The following BAZ2B variants were observed in gnomAD, a reference collection of about 807,000 sequenced individuals.
The protein encoded by BAZ2B is bromodomain adjacent to zinc finger domain 2B.
BAZ2B carries 91 observed loss-of-function variants against 246.0 expected under a neutral mutation model. The observed-to-expected ratio is 0.37, with a 90% CI of 0.31 to 0.44. The LOEUF is 0.44. Ranked by LOEUF, BAZ2B falls within the 20% of genes least tolerant of loss-of-function variation. The probability of loss-of-function intolerance (pLI) is 1.00; values close to 1 mark genes in which losing one functional copy is unlikely to be tolerated. For synonymous variants in BAZ2B, 855 were observed against 860.0 expected (o/e 0.99, Z 0.10); for missense variants, 2,332 against 2,533.7 (o/e 0.92, Z 1.71).
intron 1 of BAZ2B, among the ~76,000 whole-genome samples, chr2:159,612,793 C>G (rs1694977304): frequency 6.6e-6 from 1 of 152,116 alleles, no homozygotes; most frequent in Non-Finnish European, 1.5e-5. Context: ...TCAGAAGGAA[C>G]AGTTATGCAC....
chr2:159,593,461 G>C (rs1689870683), intron 1 of BAZ2B, among the ~76,000 whole-genome samples: 1 of 152,146 alleles, frequency 6.6e-6, no homozygotes, highest in African/African-American at 2.4e-5. Flanking sequence ...TGTTTTGGGG[G>C]TTGTTTTTTG....
intron 2 of BAZ2B, among the ~76,000 whole-genome samples, chr2:159,530,414 A>G (rs2151314923): frequency 6.6e-6 from 1 of 152,348 alleles, no homozygotes; most frequent in South Asian, 2.1e-4. Context: ...CTCACTGATA[A>G]ATGCAGCAAT....
At chr2:159,491,873 A>G (rs2080543105) in intron 2 of BAZ2B, among the ~76,000 whole-genome samples, 1 of 151,980 alleles carries the variant, frequency 6.6e-6, no homozygotes, top group South Asian at 2.1e-4. Context: ...ATAATTAACT[A>G]TTATAGCCAA....
chr2:159,315,648 G>A (rs2062035972), downstream of BAZ2B, among the ~76,000 whole-genome samples: 1 of 152,114 alleles, frequency 6.6e-6, no homozygotes, highest in Admixed American at 6.5e-5. Context: ...CTTAGTCTGG[G>A]AATTCACAAA....
At chr2:159,424,736 A>G (rs1035066025) in intron 13 of BAZ2B, among the ~76,000 whole-genome samples, 1 of 152,234 alleles carries the variant, frequency 6.6e-6, no homozygotes, top group Non-Finnish European at 1.5e-5. Flanking sequence ...CTGAATAAAA[A>G]TAACACAGTA....
chr2:159,381,368 A>C (rs1048773790), intron 25 of BAZ2B, among the ~76,000 whole-genome samples: 3 of 151,948 alleles, frequency 2.0e-5, no homozygotes, highest in Non-Finnish European at 4.4e-5. Context: ...CCCTGCCCCC[A>C]ATTATCTACT....
At chr2:159,589,827 G>A (rs1356886079) in intron 1 of BAZ2B, among the ~76,000 whole-genome samples, 1 of 152,050 alleles carries the variant, frequency 6.6e-6, no homozygotes, top group Non-Finnish European at 1.5e-5. Context: ...CAACATATAA[G>A]ACAGGAGTCT....
chr2:159,358,503 C>A (rs925257424), intron 27 of BAZ2B, among the ~76,000 whole-genome samples: 1 of 152,204 alleles, frequency 6.6e-6, no homozygotes, highest in African/African-American at 2.4e-5. Context: ...GACTCCCACA[C>A]AATAATAGTT....
chr2:159,446,733 A>T (rs2074305081), intron 6 of BAZ2B, 49 bp downstream of exon 6: 2 of 1,440,898 alleles, frequency 1.4e-6, no homozygotes, highest in Admixed American at 5.0e-5. Flanking sequence ...CAGAATGCTC[A>T]TCTTATATAT....
At chr2:159,437,928 A>AT (rs111593276) in intron 8 of BAZ2B, 19,997 of 162,816 alleles carry the variant, frequency 0.12, 1,354 homozygotes, top group South Asian at 0.2. Context: ...AAAAAAAAAA[A>AT]TAAAAAAAAA....
At chr2:159,682,455 G>T in the BAZ2B span, among the ~76,000 whole-genome samples, 1 of 152,062 alleles carries the variant, frequency 6.6e-6, no homozygotes, top group East Asian at 1.9e-4. Flanking sequence ...CTGATTACAG[G>T]TGTGAGCCAC....
In BAZ2B at chr2:159,482,760, A is replaced by T. The variant is rs377516218; in HGVS notation, c.-2-4039T>A. Among the ~76,000 whole-genome samples the T allele has an allele frequency of 2.7e-4, 41 of 152,342 alleles. 1 individual carries two copies. In the Middle Eastern group the frequency reaches 0.014, roughly 51 times the overall value. On this transcript the variant is annotated intron_variant, in intron 2 of 36. Transcript: ENST00000392783. ...ACAAATACAGATGAAAAATTAATAC[A>T]TTCATTTTGTTGACAAAATATGTTA... is the stretch of plus-strand genomic sequence containing the variant.
the BAZ2B span, among the ~76,000 whole-genome samples, chr2:159,641,608 T>C: frequency 6.6e-6 from 1 of 152,330 alleles, no homozygotes; most frequent in South Asian, 2.1e-4. Flanking sequence ...CAATTGCTTT[T>C]GGAGTCCGGT....
At chr2:159,425,663 C>A (rs1403237711) in intron 13 of BAZ2B, among the ~76,000 whole-genome samples, 1 of 152,188 alleles carries the variant, frequency 6.6e-6, no homozygotes, top group African/African-American at 2.4e-5. Context: ...ACCACTTACA[C>A]AATTTGCATA....
chr2:159,688,079 C>T, the BAZ2B span, among the ~76,000 whole-genome samples: 4 of 152,136 alleles, frequency 2.6e-5, no homozygotes, highest in African/African-American at 7.2e-5. Context: ...CTTGATCTGT[C>T]ACCCAGGCTG....
intron 25 of BAZ2B, among the ~76,000 whole-genome samples, chr2:159,378,306 ATAT>A (rs2061629790): frequency 6.6e-6 from 1 of 152,228 alleles, no homozygotes; most frequent in Admixed American, 6.5e-5. Flanking sequence ...CAAAAGTATA[ATAT>A]TATGAAATAA....
At chr2:159,576,134 G>C (rs1035948857) in intron 1 of BAZ2B, among the ~76,000 whole-genome samples, 1 of 152,150 alleles carries the variant, frequency 6.6e-6, no homozygotes, top group African/African-American at 2.4e-5. Context: ...GAATCAGTAA[G>C]GGAAATCTGA....
the BAZ2B span, among the ~76,000 whole-genome samples, chr2:159,626,383 G>A: frequency 6.6e-6 from 1 of 152,058 alleles, no homozygotes; most frequent in South Asian, 2.1e-4. Flanking sequence ...ATTCTTCTCA[G>A]CACCACATCA....
chr2:159,701,638 T>C, the BAZ2B span, among the ~76,000 whole-genome samples: 5 of 147,998 alleles, frequency 3.4e-5, no homozygotes, highest in Non-Finnish European at 7.4e-5. Context: ...TATATATGTA[T>C]ATATAATATA....
Sources: allele counts gnomAD v4.1 joint callset (sites outside exome capture counted in the v4.1 genomes callset), GRCh38; gene constraint gnomAD v4.1.1; transcripts MANE v1.5; gene names NCBI Gene and HGNC (gene_info 2026-07-23, HGNC 2026-07-21).